The following KLHL10 variants were observed in gnomAD, a reference collection of about 807,000 sequenced individuals.
The protein encoded by KLHL10 is kelch-like protein 10.
In KLHL10, 11 loss-of-function variants were observed where a neutral mutation model predicts 46.6. The observed-to-expected ratio is 0.24, with a 90% CI of 0.15 to 0.39. The LOEUF (loss-of-function observed/expected upper bound fraction) is 0.39. KLHL10 is among the 10% of genes least tolerant of loss of function. The pLI is 1.00. For missense variants in KLHL10, 475 were observed against 789.8 expected (o/e 0.60, Z 4.78); for synonymous variants, 254 against 279.1 (o/e 0.91, Z 0.90).
intron 1 of KLHL10, 30 bp from the exon 2 acceptor site, chr17:41,841,793 C>A (rs71373458): frequency 6.2e-7 from 1 of 1,613,836 alleles, no homozygotes; most frequent in African/African-American, 1.3e-5. Context: ...GAAATGTTTC[C>A]GTGGCTGCTA....
chr17:41,835,957 C>A (rs910464047), upstream of KLHL10: 3 of 1,583,458 alleles, frequency 1.9e-6, no homozygotes, highest in Non-Finnish European at 2.6e-6. Flanking sequence ...AGGGTGCTCA[C>A]CTGTCCCGAG....
chr17:41,836,289 T>TGGTGGGGCCGGGGGAGGGGCGGG, upstream of KLHL10: 1 of 869,542 alleles, frequency 1.2e-6, no homozygotes, highest in African/African-American at 2.3e-5. Flanking sequence ...GGGCGGGGGT[T>TGGTGGGGCCGGGGGAGGGGCGGG]GGTGGGGCCG....
At chr17:41,843,249 T>C (rs1028088794) in intron 2 of KLHL10, among the ~76,000 whole-genome samples, 25 of 151,786 alleles carry the variant, frequency 1.6e-4, no homozygotes, top group African/African-American at 6.0e-4. Context: ...GCTCATGTCT[T>C]TAATCCTAGC....
chr17:41,838,241 T>C (rs932716113), intron 1 of KLHL10, 115 bp downstream of exon 1: 1 of 920,416 alleles, frequency 1.1e-6, no homozygotes, highest in Non-Finnish European at 1.7e-6. Flanking sequence ...CTGTCAAAGC[T>C]CTGGGCTCCT....
chr17:41,841,877 T>G lies in KLHL10; in HGVS notation c.249T>G (p.Pro83=). ...NNTEKKVYNI[P]GISPDMMKLI... ...CTGAAAAGAAGGTATACAACATCCC[T>G]GGCATTTCTCCCGACATGATGAAGC... Residue 83 remains proline, a synonymous_variant, in exon 2 of 5, where the codon CCT becomes CCG. Transcript: ENST00000293303. 1 of 1,614,186 alleles carries G rather than the reference T, an allele frequency of 6.2e-7. No homozygotes were observed. Among genetic ancestry groups the G allele is most frequent in the Non-Finnish European group, 8.5e-7 (1 of 1,180,020 alleles).
Position 41,845,699 on chromosome 17 carries a change from C to G in KLHL10, c.1258C>G (p.His420Asp). Residue 420 changes from histidine to aspartate, a missense_variant, in exon 3 of 5, where the codon CAC (histidine) becomes GAC (aspartate). By Grantham distance (81) the His-to-Asp change is moderately conservative (BLOSUM62 -1). Coordinates refer to ENST00000293303, the MANE Select transcript of KLHL10 (RefSeq NM_152467.5). ...TCAATGGACACTCATCGCCCCCATGCACGAACAGAGGAGTGATGCAAGCGC... is the reference window on the plus strand; with the variant it reads ...TCAATGGACACTCATCGCCCCCATGGACGAACAGAGGAGTGATGCAAGCGC... ...TNQWTLIAPM[H>D]EQRSDASATT... The G allele has an allele frequency of 6.2e-7, 1 of 1,612,910 alleles. No homozygotes were observed. Among genetic ancestry groups the G allele is most frequent in the South Asian group, 1.1e-5 (1 of 90,892 alleles).
chr17:41,838,653 T>C (rs1157442259), intron 1 of KLHL10, among the ~76,000 whole-genome samples: 27 of 66,916 alleles, frequency 4.0e-4, no homozygotes, highest in Admixed American at 1.8e-3. Context: ...TTTGTTTGTT[T>C]TGTTTTTTTT....
At chr17:41,837,110 A>G (rs1260863697), upstream of KLHL10, among the ~76,000 whole-genome samples, 16 of 151,996 alleles carry the variant, frequency 1.1e-4, no homozygotes, top group African/African-American at 3.6e-4. Context: ...GTAGTGAGTT[A>G]TGATCACACC....
At chr17:41,840,427 A>C (rs896398562) in intron 1 of KLHL10, among the ~76,000 whole-genome samples, 1 of 152,152 alleles carries the variant, frequency 6.6e-6, no homozygotes, top group Admixed American at 6.6e-5. Context: ...CAGGAATTCA[A>C]GACCAGCCTG....
At chr17:41,847,129 T>A (rs531671999) in intron 3 of KLHL10, 132 bp from the exon 4 acceptor site, 225 of 780,944 alleles carry the variant, frequency 2.9e-4, no homozygotes, top group Admixed American at 9.0e-4. Context: ...TAAAAAGCAA[T>A]GCATGCACAT....
rs368911902 is a variant in KLHL10, at chr17:41,847,230, A to T, written c.1303-31A>T. On this transcript the variant is annotated intron_variant, in intron 3 of 4. Coordinates refer to ENST00000293303, the MANE Select transcript of KLHL10 (RefSeq NM_152467.5). ...CTTTCTTTCTACTCCCTAGAGTGGGAATTTTAATAATCTTGGAACTCTTCA... is the reference window on the plus strand; with the variant it reads ...CTTTCTTTCTACTCCCTAGAGTGGGTATTTTAATAATCTTGGAACTCTTCA... The T allele has an allele frequency of 4.3e-6, 7 of 1,610,154 alleles. No individual in the cohort carries two copies. The African/African-American group carries it at 8.0e-5, about 18-fold the overall frequency.
At chr17:41,835,797 A>G (rs1391778935), upstream of KLHL10, 21 of 1,461,722 alleles carry the variant, frequency 1.4e-5, no homozygotes, top group Admixed American at 7.8e-5. Flanking sequence ...GGAAGGCCCA[A>G]TGGGCAGGAA....
At chr17:41,837,697 G>A (rs555692026), upstream of KLHL10, 29 of 1,237,910 alleles carry the variant, frequency 2.3e-5, 1 homozygote, top group South Asian at 2.4e-4. Context: ...TTCAGCCTAA[G>A]TGGGGTGGTA....
chr17:41,845,381 C>A lies in KLHL10; in HGVS notation c.940C>A (p.Arg314=). 6.2e-7 allele frequency: 1 copy of A among 1,614,140 alleles called. No homozygotes were observed. Among genetic ancestry groups the A allele is most frequent in the Non-Finnish European group, 8.5e-7 (1 of 1,180,008 alleles). ...PTNAIEAYDA[R]ADRWVNVTCE... The stretch of plus-strand genomic sequence containing the variant: ...CAATGCCATTGAGGCATATGACGCT[C>A]GGGCAGACAGATGGGTGAATGTTAC... Residue 314 remains arginine, a synonymous_variant, in exon 3 of 5, where the codon CGG becomes AGG. Coordinates refer to ENST00000293303, the MANE Select transcript of KLHL10 (RefSeq NM_152467.5).
intron 2 of KLHL10, 135 bp from the exon 3 acceptor site, chr17:41,844,991 T>C: frequency 1.8e-6 from 2 of 1,099,954 alleles, no homozygotes; most frequent in Non-Finnish European, 1.4e-6. Context: ...CTATTTAAAC[T>C]GTGACTTATA....
chr17:41,846,599 C>A (rs2048289003), intron 3 of KLHL10, among the ~76,000 whole-genome samples: 1 of 151,500 alleles, frequency 6.6e-6, no homozygotes, highest in Admixed American at 6.6e-5. Context: ...GTAATCTCAG[C>A]ACTTTGGGAG....
At chr17:41,839,471 G>T (rs1555620501) in intron 1 of KLHL10, among the ~76,000 whole-genome samples, 1 of 152,154 alleles carries the variant, frequency 6.6e-6, no homozygotes, top group Non-Finnish European at 1.5e-5. Context: ...TTCAAACAGG[G>T]TGATAAATTA....
At chr17:41,835,850 C>T, upstream of KLHL10, 1 of 1,605,102 alleles carries the variant, frequency 6.2e-7, no homozygotes, top group Non-Finnish European at 8.5e-7. Flanking sequence ...CCGCACGCCC[C>T]AGAGGTACCT....
At chr17:41,843,240 C>T (rs1381226832) in intron 2 of KLHL10, among the ~76,000 whole-genome samples, 1 of 151,904 alleles carries the variant, frequency 6.6e-6, no homozygotes, top group African/African-American at 2.4e-5. Flanking sequence ...GGCACAGTGG[C>T]TCATGTCTTT....
Sources: allele counts gnomAD v4.1 joint callset (sites outside exome capture counted in the v4.1 genomes callset), GRCh38; gene constraint gnomAD v4.1.1; transcripts MANE v1.5; gene names NCBI Gene and HGNC (gene_info 2026-07-23, HGNC 2026-07-21).